Variants in KCNT1 observed in about 807,000 individuals in gnomAD.
KCNT1 encodes potassium sodium-activated channel subfamily T member 1.
A neutral mutation model predicts 147.8 loss-of-function variants in KCNT1; 78 were observed. The observed-to-expected ratio is 0.53, with a 90% CI of 0.44 to 0.64. The LOEUF is 0.64. KCNT1 is among the 30% of genes least tolerant of loss of function. The probability of loss-of-function intolerance (pLI) is 0.00; values close to 1 mark genes in which losing one functional copy is unlikely to be tolerated. For synonymous variants in KCNT1, 867 were observed against 748.8 expected, an observed-to-expected ratio of 1.16 and a Z score of -2.58; for missense variants, 1,419 against 1,750.3, an observed-to-expected ratio of 0.81 and a Z score of 3.38.
intron 12 of KCNT1, 115 bp from the exon 13 acceptor site, chr9:135,765,509 T>C (rs747039023): frequency 8.3e-6 from 10 of 1,200,110 alleles, no homozygotes; most frequent in Non-Finnish European, 1.2e-5. Context: ...AGATGCAAGA[T>C]CACAGTGAGC....
At chr9:135,738,688 G>T (rs989804658) in intron 2 of KCNT1, among the ~76,000 whole-genome samples, 1 of 152,176 alleles carries the variant, frequency 6.6e-6, no homozygotes, top group African/African-American at 2.4e-5. Flanking sequence ...CGTTGTCGGG[G>T]GAGGGCACTT....
intron 1 of KCNT1, among the ~76,000 whole-genome samples, chr9:135,704,533 G>A (rs1564307075): frequency 6.6e-6 from 1 of 152,206 alleles, no homozygotes; most frequent in Non-Finnish European, 1.5e-5. Flanking sequence ...CCTCCCCACA[G>A]GCCCTGGAGA....
chr9:135,706,686 T>A (rs2131313512), intron 1 of KCNT1, among the ~76,000 whole-genome samples: 1 of 152,338 alleles, frequency 6.6e-6, no homozygotes, highest in Admixed American at 6.5e-5. Flanking sequence ...GTCCTCATGC[T>A]TCACAGGCAC....
intron 2 of KCNT1, among the ~76,000 whole-genome samples, chr9:135,742,195 C>A (rs1830600202): frequency 6.6e-6 from 1 of 152,170 alleles, no homozygotes; most frequent in African/African-American, 2.4e-5. Flanking sequence ...AGCCTTGGGG[C>A]AGGGCTGGCG....
chr9:135,770,644 C>T (rs1832688602), intron 17 of KCNT1, among the ~76,000 whole-genome samples, 197 bp downstream of exon 17: 1 of 152,236 alleles, frequency 6.6e-6, no homozygotes, highest in South Asian at 2.1e-4. Context: ...TGCCACGCGG[C>T]TCCTCCCTGA....
intron 20 of KCNT1, among the ~76,000 whole-genome samples, chr9:135,776,648 T>C (rs1833190956): frequency 6.6e-6 from 1 of 151,884 alleles, no homozygotes; most frequent in Non-Finnish European, 1.5e-5. Context: ...CCCTTCCCCA[T>C]GTGTGTGTGT....
intron 19 of KCNT1, among the ~76,000 whole-genome samples, chr9:135,774,673 C>T (rs61199645): frequency 0.11 from 17,371 of 151,922 alleles, 1,098 homozygotes; most frequent in East Asian, 0.25. Context: ...GTTATGTGTC[C>T]GTGCACGTGG....
At chr9:135,769,456 G>T (rs561890861) in intron 15 of KCNT1, among the ~76,000 whole-genome samples, 2 of 152,318 alleles carry the variant, frequency 1.3e-5, no homozygotes, top group South Asian at 2.1e-4. Flanking sequence ...CATCCTCACC[G>T]CATCCGAGAA....
chr9:135,733,742 G>A (rs1830223475), intron 2 of KCNT1, among the ~76,000 whole-genome samples: 1 of 148,760 alleles, frequency 6.7e-6, no homozygotes, highest in African/African-American at 2.5e-5. Context: ...TGCTGAGCCG[G>A]AGACCCAGAT....
chr9:135,751,178 G>A, intron 4 of KCNT1, 137 bp downstream of exon 4: 3 of 776,798 alleles, frequency 3.9e-6, no homozygotes, highest in Non-Finnish European at 4.3e-6. Flanking sequence ...CTTCCCCAGT[G>A]CCTGTCCCAG....
intron 1 of KCNT1, among the ~76,000 whole-genome samples, chr9:135,707,523 T>G (rs1835305130): frequency 6.6e-6 from 1 of 152,040 alleles, no homozygotes; most frequent in Admixed American, 6.6e-5. Context: ...CCGATGCAGC[T>G]GGAGAACAGG....
intron 2 of KCNT1, among the ~76,000 whole-genome samples, chr9:135,726,013 G>A (rs934384219): frequency 8.5e-5 from 13 of 152,210 alleles, no homozygotes; most frequent in Non-Finnish European, 1.5e-4. Flanking sequence ...GTGGGGGCTC[G>A]GAGTGGCCAC....
At position 135,784,636 on chromosome 9, in the gene KCNT1, CGCTGGGCTGGGGGCGT is replaced by C; in HGVS notation, c.3027+28_3027+43del. The C allele has an allele frequency of 2.5e-6, 4 of 1,610,850 alleles. No homozygotes were observed. The highest frequency in any genetic ancestry group is 3.4e-6 in the Non-Finnish European group (4 of 1,178,656). On this transcript the variant is annotated intron_variant, in intron 26 of 30. Transcript: ENST00000371757. ...TCTGTGCCGTAAGTGCCCCTGGCTG[CGCTGGGCTGGGGGCGT>C]GCTGGGCTGTCCAAGTGGGTGGATG...
intron 18 of KCNT1, among the ~76,000 whole-genome samples, chr9:135,772,187 G>C (rs1832806538): frequency 6.6e-6 from 1 of 152,204 alleles, no homozygotes; most frequent in Admixed American, 6.5e-5. Context: ...TCTGCCCCCA[G>C]GTGGCTTCCA....
In KCNT1 at chr9:135,705,829, G is replaced by A. The variant is rs150037483; in HGVS notation, c.110+3461G>A. ...GGGACAGTGGCAGGGCAGAGGCCGC[G>A]AGCTTCCTGGGGTAGGTCCCTGGGA... On this transcript the variant is annotated intron_variant, in intron 1 of 30. Coordinates refer to ENST00000371757, the MANE Select transcript of KCNT1 (RefSeq NM_020822.3). Among the ~76,000 whole-genome samples the A allele has an allele frequency of 4.8e-3, 732 of 152,070 alleles. 4 individuals are homozygous for A. Among genetic ancestry groups the A allele is most frequent in the Non-Finnish European group, 8.0e-3 (546 of 67,948 alleles).
rs191495099 is a variant in KCNT1, at chr9:135,709,573, G to A, written c.111-5004G>A. Among the ~76,000 whole-genome samples, 315 of 152,308 alleles carry A rather than the reference G, an allele frequency of 2.1e-3. 1 individual carries two copies. Among genetic ancestry groups the A allele is most frequent in the African/African-American group, 7.1e-3 (294 of 41,570 alleles). ...TCTGTAACCACAGCCGATCACTGGCGCAGGAGACCGTCCAACTCTGCATCT... is the reference window on the plus strand; with the variant it reads ...TCTGTAACCACAGCCGATCACTGGCACAGGAGACCGTCCAACTCTGCATCT... On this transcript the variant is annotated intron_variant, in intron 1 of 30. Coordinates refer to ENST00000371757, the MANE Select transcript of KCNT1 (RefSeq NM_020822.3).
chr9:135,724,332 C>T (rs774229036), intron 2 of KCNT1, among the ~76,000 whole-genome samples: 19 of 152,254 alleles, frequency 1.2e-4, no homozygotes, highest in Non-Finnish European at 2.1e-4. Context: ...CCCGCGTGCA[C>T]TCCCATCCTG....
chr9:135,737,727 A>G (rs1830400193), intron 2 of KCNT1, among the ~76,000 whole-genome samples: 1 of 152,080 alleles, frequency 6.6e-6, no homozygotes, highest in Admixed American at 6.5e-5. Context: ...TGGCAGGGCC[A>G]AGGGTGCCCA....
chr9:135,763,645 G>A (rs11103172), intron 11 of KCNT1, among the ~76,000 whole-genome samples: 37,111 of 152,054 alleles, frequency 0.24, 4,781 homozygotes, highest in Non-Finnish European at 0.29. Flanking sequence ...CTCAGCCTCT[G>A]CCCCGTGTGC....
Sources: allele counts gnomAD v4.1 joint callset (sites outside exome capture counted in the v4.1 genomes callset), GRCh38; gene constraint gnomAD v4.1.1; transcripts MANE v1.5; gene names NCBI Gene and HGNC (gene_info 2026-07-23, HGNC 2026-07-21).